The following CHD4 variants were observed in gnomAD, a reference collection of about 807,000 sequenced individuals.
The protein encoded by CHD4 is ATP-dependent chromatin remodeler CHD4.
CHD4 carries 35 observed loss-of-function variants against 235.5 expected under a neutral mutation model. The ratio of observed to expected loss-of-function variants is 0.15; its 90% CI spans 0.11 to 0.20. CHD4 has a LOEUF of 0.20. Among genes scored for constraint, CHD4 ranks in the 10% least tolerant of loss-of-function variants. CHD4 has a pLI of 1.00. For missense variants in CHD4, 1,329 were observed against 2,432.3 expected, an observed-to-expected ratio of 0.55 and a Z score of 9.54; for synonymous variants, 900 against 850.2, an observed-to-expected ratio of 1.06 and a Z score of -1.02.
At chr12:6,600,697 G>T (rs1948574268) in intron 7 of CHD4, 28 bp from the exon 8 acceptor site, 1 of 1,612,670 alleles carries the variant, frequency 6.2e-7, no homozygotes, top group Non-Finnish European at 8.5e-7. Flanking sequence ...AATAAGGTTA[G>T]ACGTTCAAGC....
At chr12:6,583,970 C>T (rs995981545) in intron 25 of CHD4, 1 of 152,274 alleles carries the variant, frequency 6.6e-6, no homozygotes, top group African/African-American at 2.4e-5. Context: ...TAAACAGCTG[C>T]TAATAGCATA....
chr12:6,596,107 C>A lies in CHD4; in HGVS notation c.1923G>T (p.Leu641Phe). Residue 641 changes from leucine (L) to phenylalanine (F), a missense_variant, in exon 13 of 40, where the codon TTG becomes TTT. Coordinates refer to ENST00000544040, the MANE Select transcript of CHD4 (RefSeq NM_001273.5). The stretch of plus-strand genomic sequence containing the variant: ...CGTAAGGTAAGTCCCGCCACTTGAT[C>A]AAGTAGTGGACGTGGCCCTTCTTGT... ...SVDKKGHVHYLIKWRDLPYDQ... is the reference protein window; with the variant it reads ...SVDKKGHVHYFIKWRDLPYDQ... 1 of 1,614,046 alleles carries A rather than the reference C, an allele frequency of 6.2e-7. No homozygotes were observed. The highest frequency in any genetic ancestry group is 8.5e-7 in the Non-Finnish European group (1 of 1,179,972).
chr12:6,579,050 C>T (rs1948123511), intron 33 of CHD4, 133 bp from the exon 34 acceptor site: 2 of 764,800 alleles, frequency 2.6e-6, no homozygotes, highest in Non-Finnish European at 4.3e-6. Flanking sequence ...CATGGTGGCT[C>T]ATGCCTGTAA....
chr12:6,574,943 TG>T (rs747040203), intron 37 of CHD4, among the ~76,000 whole-genome samples: 3 of 152,232 alleles, frequency 2.0e-5, no homozygotes, highest in Non-Finnish European at 4.4e-5. Context: ...CATTTTAAAA[TG>T]GTTGGCAAAA....
chr12:6,600,431 A>G (rs1305711112), intron 8 of CHD4, 36 bp from the exon 9 acceptor site: 4 of 1,611,472 alleles, frequency 2.5e-6, no homozygotes, highest in East Asian at 2.2e-5. Flanking sequence ...GTTATTGGAA[A>G]AAAACTACCT....
At chr12:6,600,789 G>C (rs1225655935) in intron 7 of CHD4, 120 bp from the exon 8 acceptor site, 1 of 1,508,186 alleles carries the variant, frequency 6.6e-7, no homozygotes, top group African/African-American at 1.4e-5. Context: ...GTTATACAGG[G>C]AGCCTAGTCT....
At chr12:6,578,720 A>G (rs1248607316) in intron 34 of CHD4, 126 bp downstream of exon 34, 1 of 1,345,058 alleles carries the variant, frequency 7.4e-7, no homozygotes, top group South Asian at 1.2e-5. Context: ...ATGTGGGGAC[A>G]GGTACAGTCT....
At chr12:6,594,404 A>C (rs1948450489) in intron 15 of CHD4, 55 bp downstream of exon 15, 1 of 1,514,516 alleles carries the variant, frequency 6.6e-7, no homozygotes, top group African/African-American at 1.4e-5. Context: ...GTGTAAGTTA[A>C]GGCTTCAAAC....
At chr12:6,592,120 T>C (rs922431889) in intron 19 of CHD4, 63 bp from the exon 20 acceptor site, 163 of 1,582,096 alleles carry the variant, frequency 1.0e-4, no homozygotes, top group Non-Finnish European at 1.4e-4. Context: ...AATAATGCAG[T>C]GCCAACAACT....
chr12:6,595,035 A>G (rs936093688), intron 14 of CHD4, among the ~76,000 whole-genome samples: 2 of 152,232 alleles, frequency 1.3e-5, no homozygotes, highest in Non-Finnish European at 2.9e-5. Flanking sequence ...AGCCTGAATT[A>G]AGCCAGATTC....
chr12:6,602,384 T>G lies in CHD4; in HGVS notation c.214A>C (p.Lys72Gln). 1 of 1,613,778 alleles carries G rather than the reference T, an allele frequency of 6.2e-7. No homozygotes were observed. Residue 72 changes from lysine (K) to glutamine (Q), a missense_variant, in exon 3 of 40, where the codon AAA (lysine) becomes CAA (glutamine). Around this residue, in one of 26 missense-constraint regions of CHD4, gnomAD observed 213 missense variants for 177.5 expected, o/e 1.20. Coordinates refer to ENST00000544040, the MANE Select transcript of CHD4 (RefSeq NM_001273.5). ...DPKIPKSKRQ[K>Q]KERMLLCRQL... ...TTCAGTCACCCACTCACCTCCTTTT[T>G]TTGGCGCTTGCTCTTAGGGATTTTA...
intron 22 of CHD4, 121 bp from the exon 23 acceptor site, chr12:6,588,543 A>T: frequency 9.4e-7 from 1 of 1,060,926 alleles, no homozygotes. Context: ...TTTGGGAGGC[A>T]GAGACAGGTG....
chr12:6,572,468 T>C (rs1332861570), intron 38 of CHD4, among the ~76,000 whole-genome samples: 1 of 149,842 alleles, frequency 6.7e-6, no homozygotes, highest in African/African-American at 2.5e-5. Context: ...CAGTGGCACA[T>C]ATTTGTAGTC....
Position 6,595,406 on chromosome 12 carries a change from G to T in CHD4, c.2049C>A (p.Gly683=), listed in dbSNP as rs1353558889. The T allele has an allele frequency of 1.9e-6, 3 of 1,613,772 alleles. No individual in the cohort carries two copies. The Admixed American group carries it at 5.0e-5, about 27-fold the overall frequency. ...CCTTCTTGAGCTTCTTGCCTGGTCG[G>T]CCTTCCTCACCCCTCATTAACTCCC... The part of the protein sequence containing the change: ...NHRELMRGEE[G]RPGKKLKKVK... Residue 683 remains glycine, a synonymous_variant, in exon 14 of 40, where the codon GGC becomes GGA. Transcript: ENST00000544040.
chr12:6,601,573 T>A lies in CHD4; in HGVS notation c.558-43A>T, dbSNP rs777898348. On this transcript the variant is annotated intron_variant, in intron 5 of 39. Coordinates refer to ENST00000544040, the MANE Select transcript of CHD4 (RefSeq NM_001273.5). ...AAGAGCAGAGGGAAAGGTTTAAGAA[T>A]AAAAAAAGAAAGAGAAGTAAGAAGA... The A allele has an allele frequency of 2.5e-6, 4 of 1,612,344 alleles. No homozygotes were observed. In the South Asian group the frequency reaches 3.3e-5, roughly 13 times the overall value.
intron 37 of CHD4, among the ~76,000 whole-genome samples, chr12:6,575,726 G>C (rs185054639): frequency 7.2e-5 from 11 of 152,086 alleles, no homozygotes; most frequent in African/African-American, 2.4e-4. Context: ...GCCCATTAAC[G>C]ATAGCGTAAA....
intron 37 of CHD4, 107 bp downstream of exon 37, chr12:6,577,678 G>T: frequency 6.9e-7 from 1 of 1,440,592 alleles, no homozygotes; most frequent in Non-Finnish European, 9.5e-7. Context: ...TCCATAGAAT[G>T]AAGAAAGTGA....
chr12:6,597,869 C>T lies in CHD4; in HGVS notation c.1892+25G>A, dbSNP rs139597116. ...GCAGGACTCTCCCACGGAGACTGCC[C>T]GTCTCCCGTGTGCTCAGCTGGTACC... On this transcript the variant is annotated intron_variant, in intron 12 of 39. Coordinates refer to ENST00000544040, the MANE Select transcript of CHD4 (RefSeq NM_001273.5). 6.7e-4 allele frequency: 1,077 copies of T among 1,599,466 alleles called. 9 individuals are homozygous for T. The African/African-American group carries it at 0.013, about 19-fold the overall frequency.
In CHD4 at chr12:6,591,751, C is replaced by A; in HGVS notation, c.3165G>T (p.Leu1055=). Residue 1055 remains leucine (L), a synonymous_variant, in exon 21 of 40, where the codon CTG becomes CTT. Transcript: ENST00000544040. ...CCTTAAGGTTCTTGAGCATTTTCTGCAGCAGCAATAATTTCCCAGATGCTC... is the reference window on the plus strand; with the variant it reads ...CCTTAAGGTTCTTGAGCATTTTCTGAAGCAGCAATAATTTCCCAGATGCTC... ...LIRASGKLLL[L]QKMLKNLKEG... is the part of the protein sequence containing the mutation. 1 of 1,614,234 alleles carries A rather than the reference C, an allele frequency of 6.2e-7. No individual in the cohort carries two copies. The highest frequency in any genetic ancestry group is 8.5e-7 in the Non-Finnish European group (1 of 1,180,044).
Sources: allele counts gnomAD v4.1 joint callset (sites outside exome capture counted in the v4.1 genomes callset), GRCh38; gene constraint gnomAD v4.1.1; regional missense constraint gnomAD v4.1.1; transcripts MANE v1.5; gene names NCBI Gene and HGNC (gene_info 2026-07-23, HGNC 2026-07-21).